ATXN1: variants seen among roughly 807,000 people sequenced by gnomAD.
ATXN1 encodes ataxin 1.
In ATXN1, 8 loss-of-function variants were observed where a neutral mutation model predicts 56.4. The observed-to-expected ratio is 0.14, with a 90% CI of 0.08 to 0.26. The LOEUF (loss-of-function observed/expected upper bound fraction) is 0.26. Ranked by LOEUF, ATXN1 falls within the 10% of genes least tolerant of loss-of-function variation. The pLI is 1.00. For missense variants in ATXN1, 987 were observed against 1,106.5 expected (o/e 0.89, Z 1.53); for synonymous variants, 514 against 494.6 (o/e 1.04, Z -0.52).
At chr6:16,472,083 T>C (rs2113640099) in intron 6 of ATXN1, among the ~76,000 whole-genome samples, 1 of 152,202 alleles carries the variant, frequency 6.6e-6, no homozygotes, top group South Asian at 2.1e-4. Flanking sequence ...GCGCTTAAGG[T>C]AACATACAAA....
chr6:16,415,887 G>T (rs893756828), intron 6 of ATXN1, among the ~76,000 whole-genome samples: 1 of 152,172 alleles, frequency 6.6e-6, no homozygotes, highest in African/African-American at 2.4e-5. Context: ...TCCCTCCTCC[G>T]CGCCTCTGCT....
intron 2 of ATXN1, among the ~76,000 whole-genome samples, chr6:16,732,937 T>C (rs1581402799): frequency 6.6e-6 from 1 of 152,348 alleles, no homozygotes. Flanking sequence ...CAGAATTGTA[T>C]GGCCCTTGAA....
rs1760154818 is a variant in ATXN1 at position 16,303,182 on chromosome 6, A to T, written c.*3147T>A. The T allele has an allele frequency of 6.5e-6, 1 of 152,788 alleles. No homozygotes were observed. Among genetic ancestry groups the T allele is most frequent in the Admixed American group, 6.5e-5 (1 of 15,290 alleles). 9.5% of individuals were successfully genotyped at this position (152,788 alleles called of 1,614,324 possible). ...GCCCACTTGCAGAAAAGACCGTGGA[A>T]AATGGGTTGACTCCAGGCTACATGG... On this transcript the variant is annotated 3_prime_UTR_variant, in exon 8 of 8. Coordinates refer to ENST00000436367, the MANE Select transcript of ATXN1 (RefSeq NM_001128164.2). This position sits in a 1 kb window ranked among gnomAD's most constrained non-coding sequence, Gnocchi z 4.3.
At chr6:16,598,905 T>C (rs769851976) in intron 3 of ATXN1, among the ~76,000 whole-genome samples, 5 of 152,230 alleles carry the variant, frequency 3.3e-5, no homozygotes, top group Non-Finnish European at 5.9e-5. Context: ...TTTCCTGGCT[T>C]GGTGTCCAGC....
At chr6:16,434,660 T>G (rs2113586953) in intron 6 of ATXN1, among the ~76,000 whole-genome samples, 1 of 152,326 alleles carries the variant, frequency 6.6e-6, no homozygotes, top group South Asian at 2.1e-4. Context: ...TGATCTCAGT[T>G]TGTCATTTAA....
At chr6:16,650,285 A>C (rs1406159273) in intron 3 of ATXN1, among the ~76,000 whole-genome samples, 3 of 152,202 alleles carry the variant, frequency 2.0e-5, no homozygotes, top group Non-Finnish European at 4.4e-5. Context: ...TTAAATGGTA[A>C]GTTGATAAGG....
chr6:16,326,657 T>C lies in ATXN1; in HGVS notation c.1654A>G (p.Ile552Val). The change falls in exon 7 of 8, where the codon ATC becomes GTC. Residue 552 changes from isoleucine (I) to valine (V), a missense_variant. Around this residue, in one of 3 missense-constraint regions of ATXN1, gnomAD observed 723 missense variants for 791.7 expected, o/e 0.91. Transcript: ENST00000436367. The surrounding 1 kb of genome is among the most constrained non-coding windows in gnomAD (Gnocchi z 6.6). ...AAYPAMVQAQIHLPVVQSVAS... is the reference protein window; with the variant it reads ...AAYPAMVQAQVHLPVVQSVAS... ...ACGGACTGCACCACAGGCAGGTGGATCTGGGCCTGCACCATGGCTGGGTAG... is the reference window on the plus strand; with the variant it reads ...ACGGACTGCACCACAGGCAGGTGGACCTGGGCCTGCACCATGGCTGGGTAG... 6.2e-7 allele frequency: 1 copy of C among 1,613,548 alleles called. No homozygotes were observed. Among genetic ancestry groups the C allele is most frequent in the South Asian group, 1.1e-5 (1 of 91,078 alleles).
At chr6:16,456,083 C>T (rs966528238) in intron 6 of ATXN1, among the ~76,000 whole-genome samples, 14 of 152,302 alleles carry the variant, frequency 9.2e-5, no homozygotes, top group African/African-American at 1.4e-4. Context: ...TCCCCTTCCA[C>T]GCTGGGGAAG....
At chr6:16,585,177 G>A (rs920223952) in intron 4 of ATXN1, among the ~76,000 whole-genome samples, 2 of 152,102 alleles carry the variant, frequency 1.3e-5, no homozygotes, top group Non-Finnish European at 2.9e-5. Flanking sequence ...AGCCTTGGAG[G>A]TGGAAGCTGC....
intron 2 of ATXN1, among the ~76,000 whole-genome samples, chr6:16,723,458 G>C (rs923046729): frequency 6.6e-6 from 1 of 152,056 alleles, no homozygotes; most frequent in Non-Finnish European, 1.5e-5. Flanking sequence ...ATCCTAAAAG[G>C]AGGAGGAAGA....
At chr6:16,688,929 A>ATG (rs1408038643) in intron 2 of ATXN1, among the ~76,000 whole-genome samples, 1 of 151,982 alleles carries the variant, frequency 6.6e-6, no homozygotes. Context: ...TTGGAGATGC[A>ATG]TGTGTGTGTA....
intron 7 of ATXN1, among the ~76,000 whole-genome samples, chr6:16,313,493 G>A (rs949111875): frequency 3.9e-5 from 6 of 152,164 alleles, no homozygotes; most frequent in East Asian, 3.9e-4. Flanking sequence ...AAAAATTCAC[G>A]AGAGAAAAGT....
chr6:16,309,228 T>C (rs80280007), intron 7 of ATXN1, among the ~76,000 whole-genome samples: 1 of 126,582 alleles, frequency 7.9e-6, no homozygotes, highest in Admixed American at 8.2e-5. Flanking sequence ...ACTCTGTCTC[T>C]AAAAAAAAAA....
At chr6:16,759,703 T>TTTTTG (rs1213909497) in intron 1 of ATXN1, among the ~76,000 whole-genome samples, 3 of 152,018 alleles carry the variant, frequency 2.0e-5, no homozygotes, top group East Asian at 3.9e-4. Flanking sequence ...AACGGATTTT[T>TTTTTG]TTTTGTTTTG....
At chr6:16,548,927 T>C (rs982455948) in intron 4 of ATXN1, among the ~76,000 whole-genome samples, 1 of 152,094 alleles carries the variant, frequency 6.6e-6, no homozygotes. Context: ...TCTCAATAAA[T>C]AAATAAATAC....
chr6:16,381,146 G>C (rs1758101010), intron 6 of ATXN1, among the ~76,000 whole-genome samples: 1 of 152,198 alleles, frequency 6.6e-6, no homozygotes. Flanking sequence ...AATTAGCCTG[G>C]CGTGGTGGCG....
intron 7 of ATXN1, among the ~76,000 whole-genome samples, chr6:16,321,075 T>C (rs1760639277): frequency 6.6e-6 from 1 of 152,190 alleles, no homozygotes. Flanking sequence ...AAAACTAACA[T>C]TGCACAAGGT....
At chr6:16,539,596 C>T (rs1761673221) in intron 4 of ATXN1, among the ~76,000 whole-genome samples, 1 of 152,130 alleles carries the variant, frequency 6.6e-6, no homozygotes, top group Non-Finnish European at 1.5e-5. Context: ...AAAGGGCATG[C>T]CATTTGCTTG....
At chr6:16,523,140 G>A (rs762748551) in intron 4 of ATXN1, among the ~76,000 whole-genome samples, 5 of 152,024 alleles carry the variant, frequency 3.3e-5, no homozygotes, top group East Asian at 1.9e-4. Flanking sequence ...GGCCTCAAGC[G>A]CTCCTTCCAC....
Sources: allele counts gnomAD v4.1 joint callset (sites outside exome capture counted in the v4.1 genomes callset), GRCh38; gene constraint gnomAD v4.1.1; regional missense constraint gnomAD v4.1.1; non-coding constraint Gnocchi (gnomAD v3.1); transcripts MANE v1.5; gene names NCBI Gene and HGNC (gene_info 2026-07-23, HGNC 2026-07-21).